Variants in EYS observed in about 807,000 individuals in gnomAD.
The protein encoded by EYS is EGF-like photoreceptor maintenance factor, also known as protein eyes shut homolog.
In EYS, 250 loss-of-function variants were observed where a neutral mutation model predicts 282.1. The ratio of observed to expected loss-of-function variants is 0.89; its 90% CI spans 0.80 to 0.98. The LOEUF (loss-of-function observed/expected upper bound fraction) is 0.98, where lower values mean the gene tolerates loss of function less well. EYS is among the 50% of genes least tolerant of loss of function. The pLI is 0.00. For missense variants in EYS, 4,016 were observed against 3,709.0 expected (o/e 1.08, Z -2.15); for synonymous variants, 1,355 against 1,282.9 (o/e 1.06, Z -1.20).
At chr6:64,843,814 G>A (rs908796503) in intron 19 of EYS, among the ~76,000 whole-genome samples, 2 of 152,076 alleles carry the variant, frequency 1.3e-5, no homozygotes, top group African/African-American at 4.8e-5. Flanking sequence ...ATGAGATTTG[G>A]AGGGGCCCAG....
At chr6:63,946,990 A>G (rs13203142) in intron 35 of EYS, among the ~76,000 whole-genome samples, 1,699 of 152,194 alleles carry the variant, frequency 0.011, 20 homozygotes, top group Non-Finnish European at 0.02. Flanking sequence ...AAAAATAAAA[A>G]AATTTAAAAG....
intron 7 of EYS, among the ~76,000 whole-genome samples, chr6:65,386,894 C>A (rs1765823202): frequency 6.6e-6 from 1 of 151,386 alleles, no homozygotes; most frequent in Non-Finnish European, 1.5e-5. Flanking sequence ...TAAGGGTAAC[C>A]TCAGGATTGT....
At chr6:65,169,809 T>A (rs1327464884) in intron 12 of EYS, among the ~76,000 whole-genome samples, 1 of 151,464 alleles carries the variant, frequency 6.6e-6, no homozygotes, top group African/African-American at 2.4e-5. Context: ...TATATGTAAG[T>A]CTTTTAAGGA....
At chr6:65,332,470 T>TTTAAGTCTA in intron 11 of EYS, 2 of 1,288,462 alleles carry the variant, frequency 1.6e-6, no homozygotes, top group South Asian at 2.5e-5. Flanking sequence ...AGGCCTAATA[T>TTTAAGTCTA]TTAAGTCTAT....
At chr6:64,652,870 C>A (rs956993968) in intron 22 of EYS, among the ~76,000 whole-genome samples, 1 of 152,046 alleles carries the variant, frequency 6.6e-6, no homozygotes, top group African/African-American at 2.4e-5. Context: ...GTATAAAATT[C>A]CGTGTGTGTG....
At chr6:64,608,657 TC>T (rs1212135054) in intron 24 of EYS, among the ~76,000 whole-genome samples, 2 of 152,012 alleles carry the variant, frequency 1.3e-5, no homozygotes, top group African/African-American at 4.8e-5. Context: ...TTGAAAACAA[TC>T]AAGAAAAACT....
chr6:64,423,668 C>T (rs552259265), intron 28 of EYS, among the ~76,000 whole-genome samples: 2 of 152,044 alleles, frequency 1.3e-5, no homozygotes, highest in South Asian at 2.1e-4. Context: ...ATTAGCCAGG[C>T]GTGGTGGCGT....
Position 65,223,893 on chromosome 6 carries a change from C to T in EYS, c.2023+71970G>A, listed in dbSNP as rs1004761728. On this transcript the variant is annotated intron_variant, in intron 12 of 42. Coordinates refer to ENST00000503581, the MANE Select transcript of EYS (RefSeq NM_001142800.2). ...TGGGCAGCTTTCCTGTCTTGGAGTA[C>T]CAGCTCACAATGGATACTAGGCTCT... Among the ~76,000 whole-genome samples, 3 of 152,180 alleles carry T rather than the reference C, an allele frequency of 2.0e-5. No individual in the cohort carries two copies. In the South Asian group the frequency reaches 6.2e-4, roughly 32 times the overall value.
chr6:65,313,454 G>A (rs1769216317), intron 11 of EYS, among the ~76,000 whole-genome samples: 1 of 151,492 alleles, frequency 6.6e-6, no homozygotes, highest in African/African-American at 2.4e-5. Context: ...CAGACATACT[G>A]TGATCACAGC....
intron 5 of EYS, among the ~76,000 whole-genome samples, chr6:65,430,327 C>T (rs1767836026): frequency 6.6e-6 from 1 of 152,096 alleles, no homozygotes; most frequent in Non-Finnish European, 1.5e-5. Flanking sequence ...CTGACACCTG[C>T]CCACAAATGG....
At chr6:64,524,214 T>G (rs1207149565) in intron 26 of EYS, among the ~76,000 whole-genome samples, 1 of 151,742 alleles carries the variant, frequency 6.6e-6, no homozygotes, top group Non-Finnish European at 1.5e-5. Context: ...AGATATATTT[T>G]TTTGCCATGA....
chr6:64,668,966 T>C (rs1327614023), intron 22 of EYS, among the ~76,000 whole-genome samples: 4 of 152,184 alleles, frequency 2.6e-5, no homozygotes, highest in Non-Finnish European at 5.9e-5. Flanking sequence ...CAATTGTAGT[T>C]GGTTATCTGT....
At chr6:63,826,845 C>CAAAAA (rs59957107) in intron 36 of EYS, among the ~76,000 whole-genome samples, 1 of 76,762 alleles carries the variant, frequency 1.3e-5, no homozygotes, top group Non-Finnish European at 2.5e-5. Flanking sequence ...AGTTAAAAAG[C>CAAAAA]AAAAAAAAAA....
At chr6:65,440,390 A>AT (rs1768267492) in intron 5 of EYS, among the ~76,000 whole-genome samples, 1 of 148,880 alleles carries the variant, frequency 6.7e-6, no homozygotes, top group Non-Finnish European at 1.5e-5. Context: ...AAAAAAAAAA[A>AT]TTAAAACCCC....
At chr6:64,941,925 G>C (rs930307279) in intron 15 of EYS, among the ~76,000 whole-genome samples, 2 of 152,090 alleles carry the variant, frequency 1.3e-5, no homozygotes, top group African/African-American at 4.8e-5. Context: ...GACTACATGA[G>C]TGCATGTATC....
intron 12 of EYS, among the ~76,000 whole-genome samples, chr6:65,231,213 G>A (rs986187228): frequency 7.3e-6 from 1 of 137,536 alleles, no homozygotes; most frequent in African/African-American, 2.7e-5. Flanking sequence ...TTTCTTTTCA[G>A]ACATATATAT....
In EYS at chr6:65,092,167, A is replaced by G. The variant is rs146532660; in HGVS notation, c.2024-34440T>C. 3.4e-4 allele frequency among the ~76,000 whole-genome samples: 52 copies of G among 152,302 alleles called. 1 individual carries two copies. In the East Asian group the frequency reaches 9.6e-3, roughly 28 times the overall value. ...AGATAATTTTTGGTTCTTTCATGAA[A>G]CATAGAAACTCAAGAACGAAAATGA... On this transcript the variant is annotated intron_variant, in intron 12 of 42. Transcript: ENST00000503581.
chr6:65,166,374 T>A (rs936554234), intron 12 of EYS, among the ~76,000 whole-genome samples: 1 of 151,206 alleles, frequency 6.6e-6, no homozygotes, highest in African/African-American at 2.4e-5. Context: ...TTTACTAACA[T>A]AAATGTAGTT....
In EYS at chr6:64,707,496, T is replaced by C. The variant is rs374224782; in HGVS notation, c.3444-81251A>G. ...CATCCTGGCTAACACAGTGAAACCC[T>C]GTCTCTACTAAGAATACAAAAAATT... On this transcript the variant is annotated intron_variant, in intron 22 of 42. Coordinates refer to ENST00000503581, the MANE Select transcript of EYS (RefSeq NM_001142800.2). Among the ~76,000 whole-genome samples, 128 of 151,986 alleles carry C rather than the reference T, an allele frequency of 8.4e-4. 2 individuals are homozygous for C. The South Asian group carries it at 0.019, about 22-fold the overall frequency.
Sources: allele counts gnomAD v4.1 joint callset (sites outside exome capture counted in the v4.1 genomes callset), GRCh38; gene constraint gnomAD v4.1.1; transcripts MANE v1.5; gene names NCBI Gene and HGNC (gene_info 2026-07-23, HGNC 2026-07-21).